Variants in ACTN3 observed in about 807,000 individuals in gnomAD.
ACTN3 encodes the protein alpha-actinin-3.
Under a neutral mutation model 119.6 loss-of-function variants are expected in ACTN3, and 91 were observed. That is an observed-to-expected ratio of 0.76 (90% CI 0.64 to 0.91). The LOEUF (loss-of-function observed/expected upper bound fraction) is 0.91. ACTN3 is among the 40% of genes least tolerant of loss of function. ACTN3 has a pLI of 0.00. For missense variants in ACTN3, 1,221 were observed against 1,215.1 expected (o/e 1.00, Z -0.07); for synonymous variants, 456 against 478.8 (o/e 0.95, Z 0.62).
Position 66,550,762 on chromosome 11 carries a change from T to TGACAAC in ACTN3, c.148-477_148-476insGACAAC, listed in dbSNP as rs569528442. On this transcript the variant is annotated intron_variant, in intron 1 of 20. Coordinates refer to ENST00000513398, the MANE Select transcript of ACTN3 (RefSeq NM_001104.4). ...CTTGGAGGCCAATTTACAACAACCCTAGAAGGTCAGTAGCACTGAGAAAAC... is the reference window on the plus strand; with the variant it reads ...CTTGGAGGCCAATTTACAACAACCCTGACAACAGAAGGTCAGTAGCACTGAGAAAAC... 2.8e-3 allele frequency among the ~76,000 whole-genome samples: 430 copies of TGACAAC among 152,220 alleles called. 2 individuals are homozygous for TGACAAC. Among genetic ancestry groups the TGACAAC allele is most frequent in the Middle Eastern group, 0.01 (3 of 294 alleles).
intron 19 of ACTN3, 70 bp from the exon 20 acceptor site, chr11:66,562,726 A>T (rs771149264): frequency 1.5e-4 from 232 of 1,502,742 alleles, no homozygotes; most frequent in Middle Eastern, 5.3e-4. Context: ...GACAGTCCCC[A>T]GGAGGGGACA....
intron 15 of ACTN3, 34 bp from the exon 16 acceptor site, chr11:66,561,193 A>G (rs1857750880): frequency 1.3e-6 from 2 of 1,499,614 alleles, no homozygotes; most frequent in Non-Finnish European, 1.8e-6. Context: ...CCCAGCCCCC[A>G]GAGCTGGCTC....
At chr11:66,549,646 G>A (rs1039529119) in intron 1 of ACTN3, among the ~76,000 whole-genome samples, 4 of 146,590 alleles carry the variant, frequency 2.7e-5, no homozygotes, top group Admixed American at 1.4e-4. Flanking sequence ...CAGGAGAATC[G>A]CTTGAACCAG....
chr11:66,556,140 C>T lies in ACTN3; in HGVS notation c.719-5C>T, dbSNP rs1241396104. ...GCCAGTAGACACCGTGCTGTCCTCCCCTAGACATTGTGAACACCCCAAAGC... is the reference window on the plus strand; with the variant it reads ...GCCAGTAGACACCGTGCTGTCCTCCTCTAGACATTGTGAACACCCCAAAGC... On this transcript the variant is annotated splice_region_variant and splice_polypyrimidine_tract_variant and intron_variant, in intron 7 of 20. Coordinates refer to ENST00000513398, the MANE Select transcript of ACTN3 (RefSeq NM_001104.4). 1.2e-6 allele frequency: 2 copies of T among 1,612,940 alleles called. No individual in the cohort carries two copies. Among genetic ancestry groups the T allele is most frequent in the Non-Finnish European group, 1.7e-6 (2 of 1,179,412 alleles).
rs4013815 is a variant in ACTN3, at chr11:66,552,880, T to TCA, written c.383-1134_383-1133dup. Among the ~76,000 whole-genome samples the TCA allele has an allele frequency of 5.0e-3, 570 of 114,770 alleles. 7 individuals are homozygous for TCA. Among genetic ancestry groups the TCA allele is most frequent in the South Asian group, 0.03 (106 of 3,480 alleles). The allele number at this position is 114,770 out of a possible 152,430, so 75.3% of individuals were successfully genotyped here. A position where few individuals can be genotyped will look rare whatever the true frequency, so the allele number is the denominator to read the frequency against. The stretch of plus-strand genomic sequence containing the variant: ...CTCTCTCTCTCTCTCTCTCTCTCTC[T>TCA]CACACACACACACACACACACACAC... On this transcript the variant is annotated intron_variant, in intron 3 of 20. Coordinates refer to ENST00000513398, the MANE Select transcript of ACTN3 (RefSeq NM_001104.4).
At chr11:66,559,102 A>G (rs1459449180) in intron 11 of ACTN3, 134 bp from the exon 12 acceptor site, 29 of 955,040 alleles carry the variant, frequency 3.0e-5, no homozygotes, top group Non-Finnish European at 4.1e-5. Flanking sequence ...CCGACGCCGC[A>G]GAGCAAATCC....
intron 9 of ACTN3, 23 bp from the exon 10 acceptor site, chr11:66,557,676 T>C: frequency 6.3e-7 from 1 of 1,594,174 alleles, no homozygotes; most frequent in Non-Finnish European, 8.5e-7. Flanking sequence ...GCTGTCTGCC[T>C]TGCCCCTGCC....
chr11:66,559,238 AAGG>A lies in ACTN3; in HGVS notation c.1285_1287del (p.Glu429del), dbSNP rs1279129134. On this transcript the variant is annotated inframe_deletion, in exon 12 of 21. Transcript: ENST00000513398. ...GGAGCCGGCATCTCTTTGAGCAGGA[AAGG>A]AGGAGATGCTGAGCCAGCGCGACTA... The A allele has an allele frequency of 2.0e-5, 31 of 1,537,678 alleles. No individual in the cohort carries two copies. The highest frequency in any genetic ancestry group is 2.9e-5 in the African/African-American group (2 of 69,924).
upstream of ACTN3, chr11:66,546,854 T>C: frequency 6.6e-7 from 1 of 1,511,500 alleles, no homozygotes; most frequent in African/African-American, 1.4e-5. Flanking sequence ...GCGAATTCGA[T>C]CTGGGGCTGG....
In ACTN3 at chr11:66,546,991, GGGC is replaced by G. The variant is rs1221894490; in HGVS notation, c.63_65del (p.Gly24del). The G allele has an allele frequency of 6.6e-7, 1 of 1,520,512 alleles. No homozygotes were observed. The highest frequency in any genetic ancestry group is 8.8e-7 in the Non-Finnish European group (1 of 1,138,282). 94.2% of individuals were successfully genotyped at this position (1,520,512 alleles called of 1,614,324 possible). ...TGGGGGCCGGGGAGGGGCGCTTTGC[GGGC>G]GGCGGCGGGGGCGGCGAGTACATGG... On this transcript the variant is annotated inframe_deletion, in exon 1 of 21. Transcript: ENST00000513398.
At chr11:66,546,723 C>T (rs1374939715), upstream of ACTN3, 1 of 1,535,066 alleles carries the variant, frequency 6.5e-7, no homozygotes, top group Admixed American at 2.0e-5. Context: ...GGATCTCCGC[C>T]GCGAGATCCA....
In ACTN3 at chr11:66,547,001, G is replaced by A. The variant is rs780548504; in HGVS notation, c.64G>A (p.Gly22Arg). The A allele has an allele frequency of 1.3e-6, 2 of 1,522,314 alleles. No individual in the cohort carries two copies. Among genetic ancestry groups the A allele is most frequent in the African/African-American group, 2.8e-5 (2 of 71,894 alleles). The allele number at this position is 1,522,314 out of a possible 1,614,324, so 94.3% of individuals were successfully genotyped here. A position where few individuals can be genotyped will look rare whatever the true frequency, so the allele number is the denominator to read the frequency against. ...GGAGGGGCGCTTTGCGGGCGGCGGCGGGGGCGGCGAGTACATGGAACAGGA... is the reference window on the plus strand; with the variant it reads ...GGAGGGGCGCTTTGCGGGCGGCGGCAGGGGCGGCGAGTACATGGAACAGGA... The part of the protein sequence containing the change: ...AGEGRFAGGG[G>R]GGEYMEQEED... The change falls in exon 1 of 21, where the codon GGG (glycine) becomes AGG (arginine). Residue 22 changes from glycine to arginine, a missense_variant. Physicochemically the swap from Gly to Arg is moderately radical, Grantham distance 125. Around this residue, in one of 3 missense-constraint regions of ACTN3, gnomAD observed 239 missense variants for 231.8 expected, o/e 1.03. Transcript: ENST00000513398.
chr11:66,549,827 AGGGTTGGAGGGAACTGT>A (rs1224720932), intron 1 of ACTN3, among the ~76,000 whole-genome samples: 1 of 149,370 alleles, frequency 6.7e-6, no homozygotes, highest in Non-Finnish European at 1.5e-5. Flanking sequence ...CTTAGACTCC[AGGGTTGGAGGGAACTGT>A]GGGAAATCTA....
chr11:66,558,281 C>A, intron 11 of ACTN3, 107 bp downstream of exon 11: 1 of 1,481,086 alleles, frequency 6.8e-7, no homozygotes, highest in Non-Finnish European at 9.0e-7. Context: ...AGGGTAGGTG[C>A]TCTGCAGGAA....
Position 66,557,147 on chromosome 11 carries a change from C to G in ACTN3, c.819C>G (p.Ala273=). ...TCCCCCCACAGGCAGAGACAGCTGCCAACAGGATCTGCAAGGTGCTGGCAG... is the reference window on the plus strand; with the variant it reads ...TCCCCCCACAGGCAGAGACAGCTGCGAACAGGATCTGCAAGGTGCTGGCAG... The part of the protein sequence containing the change: ...FAGAEQAETA[A]NRICKVLAVN... Residue 273 remains alanine, a synonymous_variant, in exon 9 of 21, where the codon GCC becomes GCG. Coordinates refer to ENST00000513398, the MANE Select transcript of ACTN3 (RefSeq NM_001104.4). The G allele has an allele frequency of 6.4e-7, 1 of 1,552,908 alleles. No homozygotes were observed. The highest frequency in any genetic ancestry group is 8.7e-7 in the Non-Finnish European group (1 of 1,147,674).
chr11:66,559,954 C>G lies in ACTN3; in HGVS notation c.1428-14C>G. The G allele has an allele frequency of 5.1e-6, 8 of 1,581,292 alleles. No homozygotes were observed. Among genetic ancestry groups the G allele is most frequent in the Non-Finnish European group, 6.9e-6 (8 of 1,165,972 alleles). ...TGGGGCTGGCCCCACACTCGCCCTA[C>G]TTCTCGCTCCCAGTGAGCTGGACTA... On this transcript the variant is annotated splice_polypyrimidine_tract_variant and intron_variant, in intron 12 of 20. Transcript: ENST00000513398.
At chr11:66,559,432 C>T (rs1279985909) in intron 12 of ACTN3, 46 bp downstream of exon 12, 67 of 1,409,580 alleles carry the variant, frequency 4.8e-5, no homozygotes, top group Non-Finnish European at 6.1e-5. Flanking sequence ...CCCGGCCCCG[C>T]CCCCGGTGGC....
At position 66,557,996 on chromosome 11, in the gene ACTN3, G is replaced by A. The variant is rs569272558; in HGVS notation, c.1129-31G>A. On this transcript the variant is annotated intron_variant, in intron 10 of 20. Coordinates refer to ENST00000513398, the MANE Select transcript of ACTN3 (RefSeq NM_001104.4). The stretch of plus-strand genomic sequence containing the variant: ...ATCCCATCTGTACAATGGGCAAACC[G>A]TGATGGAGCGCACCCCTGCCTGCTC... 58 of 1,613,468 alleles carry A rather than the reference G, an allele frequency of 3.6e-5. 1 individual carries two copies. The highest frequency in any genetic ancestry group is 8.0e-5 in the African/African-American group (6 of 75,064).
At chr11:66,557,559 C>T (rs1857617711) in intron 9 of ACTN3, 140 bp from the exon 10 acceptor site, 1 of 851,490 alleles carries the variant, frequency 1.2e-6, no homozygotes, top group African/African-American at 1.7e-5. Context: ...CTTGTGGGGA[C>T]TACCCCATCC....
Sources: allele counts gnomAD v4.1 joint callset (sites outside exome capture counted in the v4.1 genomes callset), GRCh38; gene constraint gnomAD v4.1.1; regional missense constraint gnomAD v4.1.1; transcripts MANE v1.5; gene names NCBI Gene and HGNC (gene_info 2026-07-23, HGNC 2026-07-21).